The following TMEM135 variants were observed in gnomAD, a reference collection of about 807,000 sequenced individuals.
The protein encoded by TMEM135 is transmembrane protein 135.
TMEM135 carries 30 observed loss-of-function variants against 60.3 expected under a neutral mutation model. The ratio of observed to expected loss-of-function variants is 0.50; its 90% CI spans 0.37 to 0.68. TMEM135 has a LOEUF of 0.68. Among genes scored for constraint, TMEM135 ranks in the 30% least tolerant of loss-of-function variants. TMEM135 has a pLI of 0.00. For missense variants in TMEM135, 468 were observed against 548.8 expected (o/e 0.85, Z 1.47); for synonymous variants, 190 against 186.7 (o/e 1.02, Z -0.14).
intron 10 of TMEM135, among the ~76,000 whole-genome samples, chr11:87,312,420 T>TTTATCG (rs1212699475): frequency 6.6e-6 from 1 of 151,950 alleles, no homozygotes; most frequent in Admixed American, 6.6e-5. Flanking sequence ...GGATTTAACA[T>TTTATCG]TTATCGTTTA....
intron 4 of TMEM135, among the ~76,000 whole-genome samples, chr11:87,156,616 G>A (rs1199341726): frequency 1.3e-5 from 2 of 151,574 alleles, no homozygotes; most frequent in Non-Finnish European, 2.9e-5. Flanking sequence ...TTATGCTGTT[G>A]TAAATGGAAT....
intron 5 of TMEM135, among the ~76,000 whole-genome samples, chr11:87,183,000 CAT>C (rs1390572082): frequency 1.3e-4 from 20 of 151,868 alleles, no homozygotes; most frequent in African/African-American, 4.6e-4. Context: ...TCCAGGAGAA[CAT>C]GTTTCCAAGA....
At chr11:87,234,718 A>G (rs956130808) in intron 5 of TMEM135, among the ~76,000 whole-genome samples, 5 of 152,068 alleles carry the variant, frequency 3.3e-5, no homozygotes. Context: ...TAAAGTATCT[A>G]GAGTTACCCA....
At chr11:87,292,318 A>G (rs992964659) in intron 6 of TMEM135, among the ~76,000 whole-genome samples, 2 of 152,036 alleles carry the variant, frequency 1.3e-5, no homozygotes, top group Non-Finnish European at 2.9e-5. Flanking sequence ...CTCTTTCCCA[A>G]CTAGAATGCC....
chr11:87,251,336 A>C (rs657917), intron 6 of TMEM135, among the ~76,000 whole-genome samples: 100,033 of 151,820 alleles, frequency 0.66, 33,541 homozygotes, highest in Non-Finnish European at 0.71. Flanking sequence ...GTAGGAAAGG[A>C]GTCAGTAAAG....
chr11:87,250,036 G>T (rs1941379014), intron 6 of TMEM135, among the ~76,000 whole-genome samples: 1 of 152,036 alleles, frequency 6.6e-6, no homozygotes. Flanking sequence ...TTGGTAGATT[G>T]TATGTGTCTA....
intron 6 of TMEM135, among the ~76,000 whole-genome samples, chr11:87,261,746 T>C (rs12276482): frequency 0.35 from 53,685 of 151,944 alleles, 10,042 homozygotes; most frequent in Non-Finnish European, 0.42. Flanking sequence ...CTCAGCCTCC[T>C]GGGTGGCTGG....
chr11:87,146,888 C>T (rs1434262562), intron 4 of TMEM135, among the ~76,000 whole-genome samples: 1 of 151,882 alleles, frequency 6.6e-6, no homozygotes, highest in Non-Finnish European at 1.5e-5. Flanking sequence ...GATAACTAGA[C>T]ATCTAGTTGC....
intron 5 of TMEM135, among the ~76,000 whole-genome samples, chr11:87,172,585 CTT>C (rs1391600787): frequency 4.0e-5 from 6 of 151,728 alleles, no homozygotes; most frequent in African/African-American, 1.5e-4. Flanking sequence ...AGTAGGGACT[CTT>C]TGTTAGGGAT....
rs553452680 is a variant in TMEM135 at position 87,080,569 on chromosome 11, C to CT, written c.362+8963dup. ...TGTGAAGGTTTTATTGGTACATGCA[C>CT]TTTTTTTTTGTTACCATTTCTTCAT... On this transcript the variant is annotated intron_variant, in intron 3 of 14. Transcript: ENST00000305494. Among the ~76,000 whole-genome samples, 6 of 151,514 alleles carry CT rather than the reference C, an allele frequency of 4.0e-5. No individual in the cohort carries two copies. The East Asian group carries it at 5.8e-4, about 15-fold the overall frequency.
At chr11:87,287,613 A>G (rs7945047) in intron 6 of TMEM135, among the ~76,000 whole-genome samples, 55,836 of 152,108 alleles carry the variant, frequency 0.37, 10,913 homozygotes, top group Non-Finnish European at 0.43. Flanking sequence ...GGAGGCGGAG[A>G]TTGCAGTGAG....
rs145451835 is a variant in TMEM135 at position 87,114,984 on chromosome 11, C to A, written c.396+23589C>A. ...ATTCCATTATATTCATGCATAGTTACCATTATTGATCATCTTTAAACCTAA... is the reference window on the plus strand; with the variant it reads ...ATTCCATTATATTCATGCATAGTTAACATTATTGATCATCTTTAAACCTAA... On this transcript the variant is annotated intron_variant, in intron 4 of 14. Transcript: ENST00000305494. Among the ~76,000 whole-genome samples, 304 of 152,214 alleles carry A rather than the reference C, an allele frequency of 2.0e-3. 1 individual carries two copies. The highest frequency in any genetic ancestry group is 5.9e-3 in the African/African-American group (247 of 41,538).
intron 6 of TMEM135, among the ~76,000 whole-genome samples, chr11:87,257,406 T>C (rs1186865738): frequency 6.6e-6 from 1 of 152,180 alleles, no homozygotes; most frequent in African/African-American, 2.4e-5. Flanking sequence ...ATAGTGTAGT[T>C]GAGAGGGAAC....
At chr11:87,186,456 A>C (rs896288156) in intron 5 of TMEM135, among the ~76,000 whole-genome samples, 2 of 152,186 alleles carry the variant, frequency 1.3e-5, no homozygotes, top group Non-Finnish European at 2.9e-5. Context: ...CCCATGAATT[A>C]AAGTTTTCAT....
At chr11:87,076,916 T>G (rs12283115) in intron 3 of TMEM135, among the ~76,000 whole-genome samples, 21,233 of 152,234 alleles carry the variant, frequency 0.14, 1,581 homozygotes, top group Non-Finnish European at 0.16. Flanking sequence ...GATGACATCT[T>G]ATTTAACTGT....
At chr11:87,158,359 A>C (rs1052867097) in intron 5 of TMEM135, among the ~76,000 whole-genome samples, 20 of 152,192 alleles carry the variant, frequency 1.3e-4, no homozygotes, top group Non-Finnish European at 2.4e-4. Flanking sequence ...ATGACTATAA[A>C]TGTGTTGGTT....
Position 87,326,238 on chromosome 11 carries a change from C to T in TMEM135, c.*4905C>T. On this transcript the variant is annotated 3_prime_UTR_variant, in exon 15 of 15. Transcript: ENST00000305494. ...ATAGAGGCCATAGGCATACAACATGCTTTATCTGCCTTGCTTAGACTCAGC... is the reference window on the plus strand; with the variant it reads ...ATAGAGGCCATAGGCATACAACATGTTTTATCTGCCTTGCTTAGACTCAGC... The T allele has an allele frequency of 2.2e-6, 1 of 454,032 alleles. No homozygotes were observed. Among genetic ancestry groups the T allele is most frequent in the South Asian group, 1.6e-5 (1 of 64,480 alleles). The allele number at this position is 454,032 out of a possible 1,614,324, so 28.1% of individuals were successfully genotyped here.
intron 4 of TMEM135, among the ~76,000 whole-genome samples, chr11:87,128,006 G>A (rs1195125813): frequency 6.6e-6 from 1 of 152,118 alleles, no homozygotes; most frequent in Admixed American, 6.5e-5. Context: ...AGGCAAATAA[G>A]TGTTCTATCT....
intron 4 of TMEM135, among the ~76,000 whole-genome samples, chr11:87,097,002 T>TC (rs1784706802): frequency 6.7e-6 from 1 of 148,924 alleles, no homozygotes; most frequent in Non-Finnish European, 1.5e-5. Context: ...AAGCCACTCT[T>TC]TTTTTTTTTT....
Sources: gnomAD v4.1 joint callset for allele counts (sites outside exome capture counted in the v4.1 genomes callset) on GRCh38, gnomAD v4.1.1 for gene constraint, MANE v1.5 for transcripts, NCBI Gene and HGNC (gene_info 2026-07-23, HGNC 2026-07-21) for gene names.